The following NET1 variants were observed in gnomAD, a reference collection of about 807,000 sequenced individuals.
NET1 encodes neuroepithelial cell transforming 1, also known as neuroepithelial cell-transforming gene 1 protein.
Under a neutral mutation model 61.1 loss-of-function variants are expected in NET1, and 42 were observed. That is an observed-to-expected ratio of 0.69 (90% CI 0.54 to 0.89). The LOEUF is 0.89. NET1 is among the 40% of genes least tolerant of loss of function. The probability of loss-of-function intolerance (pLI) is 0.00; values close to 1 mark genes in which losing one functional copy is unlikely to be tolerated. For missense variants in NET1, 654 were observed against 747.3 expected, an observed-to-expected ratio of 0.88 and a Z score of 1.46; for synonymous variants, 254 against 281.8, an observed-to-expected ratio of 0.90 and a Z score of 0.99.
Position 5,440,273 on chromosome 10 carries a change from C to T in NET1, c.255+11044C>T, listed in dbSNP as rs1403653609. 1.3e-5 allele frequency among the ~76,000 whole-genome samples: 2 copies of T among 152,220 alleles called. No individual in the cohort carries two copies. Among genetic ancestry groups the T allele is most frequent in the Non-Finnish European group, 2.9e-5 (2 of 68,034 alleles). ...AATCACAGGCTGCTGTCCTTCCCAC[C>T]TAAAAGCAAACTACTTTTGACCCTT... On this transcript the variant is annotated intron_variant, in intron 3 of 11. Transcript: ENST00000355029. This position sits in a 1 kb window ranked among gnomAD's most constrained non-coding sequence, Gnocchi z 4.1.
Position 5,429,209 on chromosome 10 carries a change from CTTAGCAGCCTTGATCT to C in NET1, c.236_251del (p.Leu79ArgfsTer21). On this transcript the variant is annotated frameshift_variant, in exon 3 of 12. Coordinates refer to ENST00000355029, the MANE Select transcript of NET1 (RefSeq NM_001047160.3). LOFTEE classifies it high-confidence loss of function. ...AGAGAAAGATGATGATGTTGTAAGC[CTTAGCAGCCTTGATCT>C]GAAGGTAAGCCCTGCTGCCCTGTTA... 1 of 1,608,584 alleles carries C rather than the reference CTTAGCAGCCTTGATCT, an allele frequency of 6.2e-7. No homozygotes were observed. Among genetic ancestry groups the C allele is most frequent in the Non-Finnish European group, 8.5e-7 (1 of 1,177,082 alleles).
rs1182746193 is a variant in NET1, at chr10:5,439,159, T to C, written c.255+9930T>C. Among the ~76,000 whole-genome samples the C allele has an allele frequency of 6.6e-6, 1 of 152,218 alleles. No homozygotes were observed. The highest frequency in any genetic ancestry group is 1.5e-5 in the Non-Finnish European group (1 of 68,036). ...GCCACTGCTCAGGAGCCTGTGTATA[T>C]CTGTATGTCATGCCATTTCTCCCTT... On this transcript the variant is annotated intron_variant, in intron 3 of 11. Transcript: ENST00000355029. This position sits in a 1 kb window ranked among gnomAD's most constrained non-coding sequence, Gnocchi z 4.8.
Position 5,455,234 on chromosome 10 carries a change from T to A in NET1, c.1197+116T>A. ...AAGTCATGACATAGTAAAAGAAGGT[T>A]GCCAATTTTAATTTTATATTACCAG... On this transcript the variant is annotated intron_variant, in intron 10 of 11. Coordinates refer to ENST00000355029, the MANE Select transcript of NET1 (RefSeq NM_001047160.3). This position sits in a 1 kb window ranked among gnomAD's most constrained non-coding sequence, Gnocchi z 6.5. 1.1e-6 allele frequency: 1 copy of A among 947,474 alleles called. No individual in the cohort carries two copies. The highest frequency in any genetic ancestry group is 1.8e-5 in the South Asian group (1 of 56,926). The allele number at this position is 947,474 out of a possible 1,614,324, so 58.7% of individuals were successfully genotyped here.
In NET1 at chr10:5,412,912, G is replaced by T. The variant is rs547745594; in HGVS notation, c.128+92G>T. 2 of 1,187,860 alleles carry T rather than the reference G, an allele frequency of 1.7e-6. No individual in the cohort carries two copies. Among genetic ancestry groups the T allele is most frequent in the Non-Finnish European group, 2.1e-6 (2 of 944,112 alleles). 73.6% of individuals were successfully genotyped at this position (1,187,860 alleles called of 1,614,324 possible). On this transcript the variant is annotated intron_variant, in intron 1 of 11. Coordinates refer to ENST00000355029, the MANE Select transcript of NET1 (RefSeq NM_001047160.3). The surrounding 1 kb of genome is among the most constrained non-coding windows in gnomAD (Gnocchi z 6.5). The stretch of plus-strand genomic sequence containing the variant: ...GTGAGTGTTGGAGAGGCAAGGGCCG[G>T]GGGGAGGGGAGGGCTGGCCGGGAGT...
At position 5,446,585 on chromosome 10, in the gene NET1, C is replaced by G. The variant is rs556503358; in HGVS notation, c.256-5245C>G. 3.4e-6 allele frequency: 4 copies of G among 1,191,752 alleles called. No homozygotes were observed. In the African/African-American group the frequency reaches 6.3e-5, roughly 19 times the overall value. The allele number at this position is 1,191,752 out of a possible 1,614,324, so 73.8% of individuals were successfully genotyped here. A position where few individuals can be genotyped will look rare whatever the true frequency, so the allele number is the denominator to read the frequency against. ...TGGCCCCGCCCCCGAGCCCTGGGGT[C>G]GGTGCTTGCTGCCTGCGGCTCTCAG... is the stretch of plus-strand genomic sequence containing the variant. On this transcript the variant is annotated intron_variant, in intron 3 of 11. Coordinates refer to ENST00000355029, the MANE Select transcript of NET1 (RefSeq NM_001047160.3). This position sits in a 1 kb window ranked among gnomAD's most constrained non-coding sequence, Gnocchi z 5.0.
Position 5,455,015 on chromosome 10 carries a change from A to T in NET1, c.1094A>T (p.Tyr365Phe). 1 of 1,614,140 alleles carries T rather than the reference A, an allele frequency of 6.2e-7. No individual in the cohort carries two copies. The highest frequency in any genetic ancestry group is 8.5e-7 in the Non-Finnish European group (1 of 1,179,984). ...LKKGESECQYYIDKLEYLDEK... is the reference protein window; with the variant it reads ...LKKGESECQYFIDKLEYLDEK... ...AAAGGTGAATCCGAGTGCCAGTATT[A>T]CATCGACAAGCTGGAGTACCTGGAT... Residue 365 changes from tyrosine (Y) to phenylalanine (F), a missense_variant, in exon 10 of 12, where the codon TAC becomes TTC. Physicochemically the swap from Tyr to Phe is conservative, Grantham distance 22 (BLOSUM62 3). Transcript: ENST00000355029. The surrounding 1 kb of genome is among the most constrained non-coding windows in gnomAD (Gnocchi z 6.5).
chr10:5,428,976 C>T (rs1265120488), intron 2 of NET1, among the ~76,000 whole-genome samples, 194 bp from the exon 3 acceptor site: 2 of 151,568 alleles, frequency 1.3e-5, no homozygotes, highest in African/African-American at 2.4e-5. Flanking sequence ...TCAGACGATC[C>T]GCCCTCCTCA....
rs1199166305 is a variant in NET1 at position 5,449,126 on chromosome 10, G to A, written c.256-2704G>A. Among the ~76,000 whole-genome samples, 1 of 152,116 alleles carries A rather than the reference G, an allele frequency of 6.6e-6. No homozygotes were observed. Among genetic ancestry groups the A allele is most frequent in the Non-Finnish European group, 1.5e-5 (1 of 68,018 alleles). On this transcript the variant is annotated intron_variant, in intron 3 of 11. Transcript: ENST00000355029. This position sits in a 1 kb window ranked among gnomAD's most constrained non-coding sequence, Gnocchi z 4.4. ...CCACAGAAGTTTCATGTATGAGTCTGTTTTCAAATAGTATATGTATCCTGA... is the reference window on the plus strand; with the variant it reads ...CCACAGAAGTTTCATGTATGAGTCTATTTTCAAATAGTATATGTATCCTGA...
intron 1 of NET1, among the ~76,000 whole-genome samples, chr10:5,413,694 G>GTTCATT (rs1222296085): frequency 6.6e-6 from 1 of 152,166 alleles, no homozygotes; most frequent in Non-Finnish European, 1.5e-5. Context: ...ATTAAATTTG[G>GTTCATT]TAATGAGAAG....
In NET1 at chr10:5,454,372, A is replaced by G. The variant is rs1242650983; in HGVS notation, c.876A>G (p.Arg292=). The change falls in exon 9 of 12, where the codon CGA becomes CGG. Residue 292 remains arginine, a synonymous_variant. Coordinates refer to ENST00000355029, the MANE Select transcript of NET1 (RefSeq NM_001047160.3). The surrounding 1 kb of genome is among the most constrained non-coding windows in gnomAD (Gnocchi z 8.1). ...QDPRVQDFLQ[R]CLESPFSRKL... The stretch of plus-strand genomic sequence containing the variant: ...CAAGAGTCCAAGACTTCCTCCAGCG[A>G]TGTCTCGAGTCTCCCTTCAGTCGAA... 4 of 1,614,150 alleles carry G rather than the reference A, an allele frequency of 2.5e-6. No homozygotes were observed. The highest frequency in any genetic ancestry group is 3.4e-6 in the Non-Finnish European group (4 of 1,180,028).
Position 5,422,630 on chromosome 10 carries a change from G to A in NET1, c.129-4025G>A, listed in dbSNP as rs888937503. On this transcript the variant is annotated intron_variant, in intron 1 of 11. Coordinates refer to ENST00000355029, the MANE Select transcript of NET1 (RefSeq NM_001047160.3). The surrounding 1 kb of genome is among the most constrained non-coding windows in gnomAD (Gnocchi z 4.1). ...ATGTCTGGGGTGCTTTGGGGGTGGT[G>A]TTTGCTGGTTTCTAGATGCTCAACT... is the stretch of plus-strand genomic sequence containing the variant. Among the ~76,000 whole-genome samples the A allele has an allele frequency of 6.6e-6, 1 of 152,192 alleles. No individual in the cohort carries two copies. The highest frequency in any genetic ancestry group is 6.5e-5 in the Admixed American group (1 of 15,282).
chr10:5,455,243 T>A lies in NET1; in HGVS notation c.1197+125T>A. The A allele has an allele frequency of 1.3e-6, 1 of 775,546 alleles. No individual in the cohort carries two copies. The highest frequency in any genetic ancestry group is 2.1e-6 in the Non-Finnish European group (1 of 484,064). The allele number at this position is 775,546 out of a possible 1,614,324, so 48.0% of individuals were successfully genotyped here. The stretch of plus-strand genomic sequence containing the variant: ...CATAGTAAAAGAAGGTTGCCAATTT[T>A]AATTTTATATTACCAGCTTGATAAA... On this transcript the variant is annotated intron_variant, in intron 10 of 11. Coordinates refer to ENST00000355029, the MANE Select transcript of NET1 (RefSeq NM_001047160.3). This position sits in a 1 kb window ranked among gnomAD's most constrained non-coding sequence, Gnocchi z 6.5.
Position 5,435,364 on chromosome 10 carries a change from C to G in NET1, c.255+6135C>G, listed in dbSNP as rs771314356. On this transcript the variant is annotated intron_variant, in intron 3 of 11. Coordinates refer to ENST00000355029, the MANE Select transcript of NET1 (RefSeq NM_001047160.3). The surrounding 1 kb of genome is among the most constrained non-coding windows in gnomAD (Gnocchi z 5.0). ...TCCCTCCCCCTGATTTTTGCTTGGACTTACATCTAAATACAACAGTTTTTA... is the reference window on the plus strand; with the variant it reads ...TCCCTCCCCCTGATTTTTGCTTGGAGTTACATCTAAATACAACAGTTTTTA... 6.6e-6 allele frequency among the ~76,000 whole-genome samples: 1 copy of G among 152,122 alleles called. No individual in the cohort carries two copies. The highest frequency in any genetic ancestry group is 1.5e-5 in the Non-Finnish European group (1 of 68,014).
chr10:5,433,424 A>G (rs1289369771), intron 3 of NET1, among the ~76,000 whole-genome samples: 1 of 152,192 alleles, frequency 6.6e-6, no homozygotes, highest in Non-Finnish European at 1.5e-5. Context: ...TGTAAAGCCA[A>G]AAGTATTGAC....
chr10:5,429,201 T>A lies in NET1; in HGVS notation c.227T>A (p.Val76Asp), dbSNP rs199764175. Residue 76 changes from valine (V) to aspartate (D), a missense_variant, in exon 3 of 12, where the codon GTT becomes GAT. Coordinates refer to ENST00000355029, the MANE Select transcript of NET1 (RefSeq NM_001047160.3). ...AAACGCAGAGAGAAAGATGATGATG[T>A]TGTAAGCCTTAGCAGCCTTGATCTG... The part of the protein sequence containing the change: ...KRKRREKDDD[V>D]VSLSSLDLKE... 1.1e-4 allele frequency: 174 copies of A among 1,610,630 alleles called. No individual in the cohort carries two copies. Among genetic ancestry groups the A allele is most frequent in the African/African-American group, 5.2e-4 (39 of 74,880 alleles).
rs1313700392 is a variant in NET1, at chr10:5,427,432, CCTT to C, written c.195+714_195+716del. On this transcript the variant is annotated intron_variant, in intron 2 of 11. Coordinates refer to ENST00000355029, the MANE Select transcript of NET1 (RefSeq NM_001047160.3). This position sits in a 1 kb window ranked among gnomAD's most constrained non-coding sequence, Gnocchi z 4.1. The stretch of plus-strand genomic sequence containing the variant: ...AGGCAGTTTCCTCCCCACTTCTTCT[CCTT>C]CTCCATATTAGTCCATTCCCAGGCT... Among the ~76,000 whole-genome samples, 1 of 152,106 alleles carries C rather than the reference CCTT, an allele frequency of 6.6e-6. No individual in the cohort carries two copies. The highest frequency in any genetic ancestry group is 1.5e-5 in the Non-Finnish European group (1 of 68,020).
chr10:5,436,308 G>A (rs1314450937), intron 3 of NET1, among the ~76,000 whole-genome samples: 1 of 133,192 alleles, frequency 7.5e-6, no homozygotes. Context: ...GCCCAGGCTG[G>A]AGTGCAATGG....
At chr10:5,425,371 T>C (rs1374823117) in intron 1 of NET1, among the ~76,000 whole-genome samples, 1 of 152,222 alleles carries the variant, frequency 6.6e-6, no homozygotes, top group Non-Finnish European at 1.5e-5. Context: ...AAGACACTCA[T>C]CAGTGGTGTT....
chr10:5,414,382 C>A (rs530770698), intron 1 of NET1, among the ~76,000 whole-genome samples: 1 of 152,250 alleles, frequency 6.6e-6, no homozygotes, highest in South Asian at 2.1e-4. Flanking sequence ...GAAAAATAAG[C>A]AACATTTTGG....
Sources: gnomAD v4.1 joint callset for allele counts (sites outside exome capture counted in the v4.1 genomes callset) on GRCh38, gnomAD v4.1.1 for gene constraint, Gnocchi (gnomAD v3.1) non-coding constraint, MANE v1.5 for transcripts, NCBI Gene and HGNC (gene_info 2026-07-23, HGNC 2026-07-21) for gene names.